Variants in RELB observed in about 807,000 individuals in gnomAD.
RELB encodes RELB proto-oncogene, NF-kB subunit.
Under a neutral mutation model 55.4 loss-of-function variants are expected in RELB, and 14 were observed. The observed-to-expected ratio is 0.25, with a 90% CI of 0.17 to 0.40. The LOEUF (loss-of-function observed/expected upper bound fraction) is 0.40, where lower values mean the gene tolerates loss of function less well. Ranked by LOEUF, RELB falls within the 10% of genes least tolerant of loss-of-function variation. The pLI, the probability that RELB is intolerant of heterozygous loss-of-function variation, is 1.00. For synonymous variants in RELB, 409 were observed against 371.3 expected, an observed-to-expected ratio of 1.10 and a Z score of -1.17; for missense variants, 669 against 830.7, an observed-to-expected ratio of 0.81 and a Z score of 2.39.
In RELB at chr19:45,022,012, A is replaced by G. The variant is rs370669598; in HGVS notation, c.505-41A>G. The G allele has an allele frequency of 4.0e-5, 63 of 1,569,376 alleles. No individual in the cohort carries two copies. The African/African-American group carries it at 7.4e-4, about 18-fold the overall frequency. On this transcript the variant is annotated intron_variant, in intron 4 of 11. Transcript: ENST00000221452. ...CCAAGGAGTTTGGATGGACGCAGGC[A>G]TCGGTGATGGGACCCCCAAAGAGGA...
In RELB at chr19:45,007,728, C is replaced by T. The variant is rs558534008; in HGVS notation, c.155-2086C>T. 6.6e-5 allele frequency among the ~76,000 whole-genome samples: 10 copies of T among 151,870 alleles called. No individual in the cohort carries two copies. The South Asian group carries it at 1.9e-3, about 28-fold the overall frequency. On this transcript the variant is annotated intron_variant, in intron 2 of 11. Coordinates refer to ENST00000221452, the MANE Select transcript of RELB (RefSeq NM_006509.4). Reference sequence around the variant, plus strand: ...CAAAAATTAGCCGGGCATGGTGGTACGAGACTGTAATCCCAGCTACTCAGG... The same window carrying T: ...CAAAAATTAGCCGGGCATGGTGGTATGAGACTGTAATCCCAGCTACTCAGG...
chr19:45,013,607 C>T (rs189803842), intron 4 of RELB, among the ~76,000 whole-genome samples: 2 of 151,706 alleles, frequency 1.3e-5, no homozygotes, highest in Admixed American at 6.6e-5. Context: ...CCGAGGCAGG[C>T]GGATCACCTG....
intron 2 of RELB, among the ~76,000 whole-genome samples, 181 bp from the exon 3 acceptor site, chr19:45,009,633 G>A (rs764985068): frequency 7.9e-5 from 12 of 152,198 alleles, no homozygotes; most frequent in Non-Finnish European, 1.2e-4. Context: ...TGGTAGCCCA[G>A]AGGAGAAGAT....
intron 2 of RELB, among the ~76,000 whole-genome samples, chr19:45,009,088 G>A (rs960246161): frequency 6.6e-6 from 1 of 152,012 alleles, no homozygotes; most frequent in Non-Finnish European, 1.5e-5. Flanking sequence ...TGTTGTTGTT[G>A]TTGTTTGTTT....
chr19:45,033,337 G>C (rs948260608), intron 9 of RELB, among the ~76,000 whole-genome samples: 3 of 152,140 alleles, frequency 2.0e-5, no homozygotes, highest in Admixed American at 6.6e-5. Flanking sequence ...GGAACAGCAG[G>C]TGCAAAGGTC....
chr19:45,030,725 A>C (rs1971610757), intron 8 of RELB, among the ~76,000 whole-genome samples: 1 of 152,186 alleles, frequency 6.6e-6, no homozygotes, highest in South Asian at 2.1e-4. Flanking sequence ...TAAGTGCAGG[A>C]GTTGGAGGTT....
At chr19:45,030,947 A>G (rs1971613744) in intron 8 of RELB, among the ~76,000 whole-genome samples, 2 of 152,152 alleles carry the variant, frequency 1.3e-5, no homozygotes, top group Admixed American at 1.3e-4. Flanking sequence ...TGGACAAGTG[A>G]CTTCACCTCT....
intron 4 of RELB, 110 bp downstream of exon 4, chr19:45,012,386 T>C (rs1355866285): frequency 4.7e-6 from 3 of 635,834 alleles, no homozygotes; most frequent in Non-Finnish European, 7.0e-6. Context: ...GTTGTTATTG[T>C]TGGACCAGAT....
chr19:45,012,027 C>A lies in RELB; in HGVS notation c.255C>A (p.Arg85=). 4 of 1,570,626 alleles carry A rather than the reference C, an allele frequency of 2.5e-6. No homozygotes were observed. Among genetic ancestry groups the A allele is most frequent in the Non-Finnish European group, 3.4e-6 (4 of 1,162,318 alleles). The part of the protein sequence containing the change: ...PGEGLPRLVS[R]GAASLSTVTL... ...AGGGGCTGCCACGCCTGGTGTCTCG[C>A]GGGGCTGCGTCCCTGAGCACGGTCA... The change falls in exon 4 of 12, where the codon CGC becomes CGA. Residue 85 remains arginine, a synonymous_variant. Transcript: ENST00000221452.
At chr19:45,012,749 A>G (rs1971378091) in intron 4 of RELB, among the ~76,000 whole-genome samples, 1 of 150,854 alleles carries the variant, frequency 6.6e-6, no homozygotes, top group Non-Finnish European at 1.5e-5. Context: ...AAAAAAAGAA[A>G]AAAAAAAAAG....
intron 9 of RELB, 89 bp downstream of exon 9, chr19:45,032,838 A>T: frequency 9.4e-7 from 1 of 1,061,562 alleles, no homozygotes; most frequent in Non-Finnish European, 1.4e-6. Context: ...AAAGAGGCAG[A>T]ACTAGAATGC....
chr19:45,008,764 C>T (rs1290418636), intron 2 of RELB: 2 of 316,396 alleles, frequency 6.3e-6, no homozygotes, highest in East Asian at 1.5e-4. Flanking sequence ...GCGCAGGCAG[C>T]CCTGGGTGGG....
At chr19:45,020,201 G>A (rs4803790) in intron 4 of RELB, among the ~76,000 whole-genome samples, 104,830 of 151,666 alleles carry the variant, frequency 0.69, 36,542 homozygotes, top group East Asian at 0.8. Flanking sequence ...CACAATACAT[G>A]ATTTATTCTC....
At chr19:45,035,261 G>T (rs966670784) in intron 11 of RELB, among the ~76,000 whole-genome samples, 3 of 151,660 alleles carry the variant, frequency 2.0e-5, no homozygotes, top group Non-Finnish European at 2.9e-5. Flanking sequence ...GCTCATGCCT[G>T]TAATCTCAGC....
chr19:45,034,637 T>C, intron 11 of RELB, 109 bp downstream of exon 11: 1 of 872,432 alleles, frequency 1.1e-6, no homozygotes. Context: ...ACAAGGCGAG[T>C]CACTCAGCAC....
intron 7 of RELB, among the ~76,000 whole-genome samples, chr19:45,027,385 A>C (rs1971571634): frequency 6.6e-6 from 1 of 152,078 alleles, no homozygotes; most frequent in Non-Finnish European, 1.5e-5. Context: ...GTCATTAGAT[A>C]TCTGTCTCTT....
At chr19:45,036,281 C>T (rs1026137993) in intron 11 of RELB, among the ~76,000 whole-genome samples, 3 of 152,106 alleles carry the variant, frequency 2.0e-5, no homozygotes, top group South Asian at 2.1e-4. Context: ...CCATGTTGGC[C>T]GGGCTGGTCT....
chr19:45,035,317 G>A (rs960387353), intron 11 of RELB, among the ~76,000 whole-genome samples: 11 of 151,780 alleles, frequency 7.2e-5, no homozygotes, highest in Admixed American at 6.6e-5. Flanking sequence ...CCAGGAGTTT[G>A]AGACCAGCCT....
rs1971207959 is a variant in RELB at position 45,001,506 on chromosome 19, G to A, written c.-74G>A. On this transcript the variant is annotated 5_prime_UTR_variant, in exon 1 of 12. Transcript: ENST00000221452. ...GCGTCCTGCCCGGCCTGCGGCCCCA[G>A]CCCTTGCGCCGCTCGTCCGACCCGC... 1.3e-6 allele frequency: 1 copy of A among 750,402 alleles called. No individual in the cohort carries two copies. The highest frequency in any genetic ancestry group is 1.8e-6 in the Non-Finnish European group (1 of 549,692). The allele number at this position is 750,402 out of a possible 1,614,324, so 46.5% of individuals were successfully genotyped here. A position where few individuals can be genotyped will look rare whatever the true frequency, so the allele number is the denominator to read the frequency against.
Sources: allele counts gnomAD v4.1 joint callset (sites outside exome capture counted in the v4.1 genomes callset), GRCh38; gene constraint gnomAD v4.1.1; transcripts MANE v1.5; gene names NCBI Gene and HGNC (gene_info 2026-07-23, HGNC 2026-07-21).